DPP6: variants seen among roughly 807,000 people sequenced by gnomAD.
DPP6 encodes the protein dipeptidyl peptidase like 6, also known as A-type potassium channel modulatory protein DPP6.
DPP6 carries 69 observed loss-of-function variants against 122.6 expected under a neutral mutation model. The observed-to-expected ratio is 0.56, with a 90% confidence interval of 0.46 to 0.69. The LOEUF (loss-of-function observed/expected upper bound fraction) is 0.69, where lower values mean the gene tolerates loss of function less well. DPP6 is among the 30% of genes least tolerant of loss of function. The pLI is 0.00. For missense variants in DPP6, 928 were observed against 1,116.9 expected, an observed-to-expected ratio of 0.83 and a Z score of 2.41; for synonymous variants, 418 against 433.1, an observed-to-expected ratio of 0.97 and a Z score of 0.43.
At chr7:154,108,383 A>G (rs1465062343) in intron 1 of DPP6, among the ~76,000 whole-genome samples, 7 of 152,224 alleles carry the variant, frequency 4.6e-5, no homozygotes, top group Admixed American at 3.3e-4. Flanking sequence ...ATACACAGTC[A>G]TCTCAGGGAA....
chr7:154,788,467 T>A (rs1797472341), intron 10 of DPP6, among the ~76,000 whole-genome samples: 1 of 151,296 alleles, frequency 6.6e-6, no homozygotes, highest in African/African-American at 2.4e-5. Context: ...AAGTAGAAGA[T>A]ACACTTTAAT....
chr7:154,243,456 T>G (rs1265787505), intron 1 of DPP6, among the ~76,000 whole-genome samples: 1 of 151,928 alleles, frequency 6.6e-6, no homozygotes, highest in African/African-American at 2.4e-5. Context: ...AAAATAAAAT[T>G]TTAGAACTGA....
At chr7:154,777,719 G>C (rs1796669730) in intron 10 of DPP6, among the ~76,000 whole-genome samples, 1 of 152,016 alleles carries the variant, frequency 6.6e-6, no homozygotes, top group African/African-American at 2.4e-5. Flanking sequence ...ATCCTGTTTG[G>C]ATGCAGCGCA....
intron 1 of DPP6, among the ~76,000 whole-genome samples, chr7:153,970,153 G>A (rs1453729045): frequency 6.6e-6 from 1 of 152,126 alleles, no homozygotes; most frequent in African/African-American, 2.4e-5. Flanking sequence ...TCATGCATAG[G>A]CAATTCTGTG....
intron 1 of DPP6, among the ~76,000 whole-genome samples, chr7:153,985,786 G>A (rs1410103174): frequency 1.3e-5 from 2 of 152,190 alleles, no homozygotes; most frequent in Non-Finnish European, 2.9e-5. Flanking sequence ...GGCAATTTGG[G>A]ATGGATGGAG....
intron 1 of DPP6, among the ~76,000 whole-genome samples, chr7:153,893,042 G>C (rs1799271575): frequency 6.6e-6 from 1 of 152,128 alleles, no homozygotes; most frequent in African/African-American, 2.4e-5. Context: ...ACATGTTTAT[G>C]GCCCATTAAA....
chr7:154,588,089 T>C (rs760912204), intron 5 of DPP6: 27 of 1,597,664 alleles, frequency 1.7e-5, no homozygotes, highest in Admixed American at 1.0e-4. Context: ...GAGTGAGCCT[T>C]GCAGCCTCTG....
In DPP6 at chr7:154,366,017, G is replaced by A. The variant is rs147040089; in HGVS notation, c.244-80197G>A. ...AAAGGGAGCCTTGTCTCTATCTTCC[G>A]GGGTAAGCCTGCGCTGCTGGGCTCC... On this transcript the variant is annotated intron_variant, in intron 1 of 25. Transcript: ENST00000377770. 5.8e-3 allele frequency among the ~76,000 whole-genome samples: 881 copies of A among 151,040 alleles called. 21 individuals are homozygous for A. Among genetic ancestry groups the A allele is most frequent in the Admixed American group, 0.025 (378 of 15,198 alleles).
intron 1 of DPP6, among the ~76,000 whole-genome samples, chr7:153,959,473 G>A (rs1795238345): frequency 6.6e-6 from 1 of 152,236 alleles, no homozygotes; most frequent in African/African-American, 2.4e-5. Context: ...CATTTCAGGT[G>A]GAAAGCCAAA....
chr7:154,076,931 A>T (rs1275792568), intron 1 of DPP6, among the ~76,000 whole-genome samples: 2 of 152,056 alleles, frequency 1.3e-5, no homozygotes, highest in East Asian at 3.9e-4. Flanking sequence ...GGGCAGTGTC[A>T]GAAAAGGACC....
At chr7:154,570,865 A>G (rs1353129957) in intron 5 of DPP6, among the ~76,000 whole-genome samples, 1 of 152,170 alleles carries the variant, frequency 6.6e-6, no homozygotes, top group African/African-American at 2.4e-5. Context: ...CCAATTTTCC[A>G]CTTTTTCAAG....
At chr7:154,806,003 C>A (rs1042997193) in intron 15 of DPP6, among the ~76,000 whole-genome samples, 14 of 152,308 alleles carry the variant, frequency 9.2e-5, no homozygotes, top group African/African-American at 2.6e-4. Flanking sequence ...ATTGGGAAGC[C>A]CCCCTGGTGA....
At chr7:154,240,026 A>G (rs1215897109) in intron 1 of DPP6, among the ~76,000 whole-genome samples, 1 of 121,358 alleles carries the variant, frequency 8.2e-6, no homozygotes, top group African/African-American at 3.1e-5. Flanking sequence ...AAAAAAAAAA[A>G]AAAAAAAAAA....
chr7:154,407,784 C>T (rs974449379), intron 1 of DPP6, among the ~76,000 whole-genome samples: 2 of 152,166 alleles, frequency 1.3e-5, no homozygotes, highest in African/African-American at 4.8e-5. Flanking sequence ...CTCAGCACTT[C>T]CTAATATACC....
chr7:154,701,941 A>G (rs1563120039), intron 7 of DPP6, among the ~76,000 whole-genome samples: 1 of 152,190 alleles, frequency 6.6e-6, no homozygotes, highest in Non-Finnish European at 1.5e-5. Flanking sequence ...TGGGTTTTTT[A>G]CAAATTGAAG....
intron 1 of DPP6, among the ~76,000 whole-genome samples, chr7:154,077,295 T>C (rs1803625933): frequency 6.6e-6 from 1 of 152,374 alleles, no homozygotes; most frequent in East Asian, 1.9e-4. Context: ...TATTCAATAA[T>C]AGACACAATG....
chr7:154,731,807 C>T (rs572999109), intron 8 of DPP6, among the ~76,000 whole-genome samples: 22 of 152,208 alleles, frequency 1.4e-4, no homozygotes, highest in East Asian at 3.9e-4. Context: ...ATAAACTAAA[C>T]GTAAGATGTT....
At chr7:154,404,411 A>T (rs1227825446) in intron 1 of DPP6, among the ~76,000 whole-genome samples, 1 of 152,242 alleles carries the variant, frequency 6.6e-6, no homozygotes, top group Admixed American at 6.5e-5. Flanking sequence ...GACTTTATAA[A>T]ATACCACACA....
Position 154,486,742 on chromosome 7 carries a change from G to A in DPP6, c.457+11705G>A, listed in dbSNP as rs146692862. On this transcript the variant is annotated intron_variant, in intron 3 of 25. Coordinates refer to ENST00000377770, the MANE Select transcript of DPP6 (RefSeq NM_130797.4). This position sits in a 1 kb window ranked among gnomAD's most constrained non-coding sequence, Gnocchi z 4.5. Reference sequence around the variant, plus strand: ...CGCAGAGGCTGGATGCACTTCCTCCGTCTGAAAGCAGAGAGAGGTGTGTCT... The same window carrying A: ...CGCAGAGGCTGGATGCACTTCCTCCATCTGAAAGCAGAGAGAGGTGTGTCT... Among the ~76,000 whole-genome samples the A allele has an allele frequency of 9.9e-4, 151 of 152,306 alleles. 1 individual carries two copies. The highest frequency in any genetic ancestry group is 3.1e-3 in the African/African-American group (130 of 41,566).
Sources: gnomAD v4.1 joint callset for allele counts (sites outside exome capture counted in the v4.1 genomes callset) on GRCh38, gnomAD v4.1.1 for gene constraint, Gnocchi (gnomAD v3.1) non-coding constraint, MANE v1.5 for transcripts, NCBI Gene and HGNC (gene_info 2026-07-23, HGNC 2026-07-21) for gene names.